SLC2A11: variants seen among roughly 807,000 people sequenced by gnomAD.
The protein encoded by SLC2A11 is solute carrier family 2 member 11, also known as solute carrier family 2, facilitated glucose transporter member 11.
A neutral mutation model predicts 52.1 loss-of-function variants in SLC2A11; 43 were observed. The ratio of observed to expected loss-of-function variants is 0.82; its 90% CI spans 0.65 to 1.06. The LOEUF is 1.06. Among genes scored for constraint, SLC2A11 ranks in the 50% least tolerant of loss-of-function variants. The pLI is 0.00. For missense variants in SLC2A11, 582 were observed against 654.2 expected (o/e 0.89, Z 1.20); for synonymous variants, 261 against 277.6 (o/e 0.94, Z 0.59).
chr22:23,861,487 C>A (rs2032064781), intron 1 of SLC2A11, among the ~76,000 whole-genome samples: 1 of 152,066 alleles, frequency 6.6e-6, no homozygotes, highest in Non-Finnish European at 1.5e-5. Context: ...GTAAGGAAGT[C>A]ACTTAGGATG....
rs1568999528 is a variant in SLC2A11 at position 23,884,395 on chromosome 22, T to G, written c.1265T>G (p.Leu422Arg). Reference sequence around the variant, plus strand: ...TGCGGGGCGCTCATGTGGATCATGCTCATCCTGGTCGGCCTGGGATTTCCC... The same window carrying G: ...TGCGGGGCGCTCATGTGGATCATGCGCATCCTGGTCGGCCTGGGATTTCCC... Reference protein sequence around the residue: ...MVCGALMWIMLILVGLGFPFI... With the variant: ...MVCGALMWIMRILVGLGFPFI... Residue 422 changes from leucine (L) to arginine (R), a missense_variant, in exon 11 of 12, where the codon CTC becomes CGC. Physicochemically the swap from Leu to Arg is moderately radical, Grantham distance 102. Transcript: ENST00000316185. The surrounding 1 kb of genome is among the most constrained non-coding windows in gnomAD (Gnocchi z 4.3). 2 of 1,613,990 alleles carry G rather than the reference T, an allele frequency of 1.2e-6. No individual in the cohort carries two copies. Among genetic ancestry groups the G allele is most frequent in the Non-Finnish European group, 8.5e-7 (1 of 1,179,988 alleles).
intron 6 of SLC2A11, among the ~76,000 whole-genome samples, chr22:23,878,582 G>A (rs978367815): frequency 5.3e-5 from 8 of 152,146 alleles, no homozygotes; most frequent in Middle Eastern, 3.2e-3. Flanking sequence ...TGGCCAAAGC[G>A]AGTCAGTCAT....
intron 1 of SLC2A11, among the ~76,000 whole-genome samples, chr22:23,860,156 C>A (rs926753539): frequency 6.6e-6 from 1 of 152,190 alleles, no homozygotes; most frequent in Non-Finnish European, 1.5e-5. Flanking sequence ...TATGGTGGCT[C>A]ACGCCTGTAA....
At chr22:23,879,696 A>T (rs2032736234) in intron 6 of SLC2A11, 1 of 152,146 alleles carries the variant, frequency 6.6e-6, no homozygotes, top group Non-Finnish European at 1.5e-5. Flanking sequence ...TGATCTGCCT[A>T]GCGTACTACA....
At chr22:23,882,954 C>T in intron 8 of SLC2A11, 85 bp downstream of exon 8, 1 of 1,256,324 alleles carries the variant, frequency 8.0e-7, no homozygotes, top group Non-Finnish European at 1.1e-6. Context: ...TACACTCCAG[C>T]TTATGGTGTT....
intron 3 of SLC2A11, chr22:23,869,732 G>T: frequency 2.3e-6 from 1 of 444,020 alleles, no homozygotes; most frequent in South Asian, 4.2e-5. Flanking sequence ...ATAAAGAACA[G>T]AAATTTACTT....
upstream of SLC2A11, chr22:23,857,071 T>TG (rs1267660761): frequency 7.2e-4 from 218 of 301,212 alleles, 2 homozygotes; most frequent in African/African-American, 5.9e-3. Context: ...AGTGTGTGTG[T>TG]GTGGGGGGGG....
Position 23,884,868 on chromosome 22 carries a change from A to G in SLC2A11, c.*19A>G. 5 of 1,608,596 alleles carry G rather than the reference A, an allele frequency of 3.1e-6. No individual in the cohort carries two copies. Among genetic ancestry groups the G allele is most frequent in the Non-Finnish European group, 4.3e-6 (5 of 1,175,574 alleles). On this transcript the variant is annotated 3_prime_UTR_variant, in exon 12 of 12. Coordinates refer to ENST00000316185, the MANE Select transcript of SLC2A11 (RefSeq NM_001024939.4). The surrounding 1 kb of genome is among the most constrained non-coding windows in gnomAD (Gnocchi z 4.3). ...ACTCTAGTCCCAAAGGGGTGGCCAGAGCCAAAGCCAGCTACTGTCCTGTCC... is the reference window on the plus strand; with the variant it reads ...ACTCTAGTCCCAAAGGGGTGGCCAGGGCCAAAGCCAGCTACTGTCCTGTCC...
rs189986531 is a variant in SLC2A11 at position 23,879,097 on chromosome 22, C to G, written c.694+1228C>G. ...CTTTGTTCAAGTTCCAGCTCTGTCC[C>G]CTACCCCCTATGAAGGGCACCCCAG... On this transcript the variant is annotated intron_variant, in intron 6 of 11. Coordinates refer to ENST00000316185, the MANE Select transcript of SLC2A11 (RefSeq NM_001024939.4). Among the ~76,000 whole-genome samples the G allele has an allele frequency of 9.0e-4, 137 of 152,236 alleles. 1 individual carries two copies. The highest frequency in any genetic ancestry group is 3.0e-3 in the African/African-American group (126 of 41,534).
At chr22:23,877,551 G>C (rs1432640868) in intron 5 of SLC2A11, 170 bp from the exon 6 acceptor site, 1 of 925,640 alleles carries the variant, frequency 1.1e-6, no homozygotes, top group Non-Finnish European at 1.7e-6. Flanking sequence ...GTCCTCTCTT[G>C]GTCCCAACCT....
At chr22:23,858,093 C>G in intron 1 of SLC2A11, 64 bp downstream of exon 1, 1 of 1,545,174 alleles carries the variant, frequency 6.5e-7, no homozygotes, top group South Asian at 1.2e-5. Flanking sequence ...CCTGAGTGAA[C>G]TGCGCAGGTG....
At chr22:23,857,134 CG>C (rs2031861981), upstream of SLC2A11, 15 of 1,184,592 alleles carry the variant, frequency 1.3e-5, no homozygotes, top group South Asian at 1.8e-4. Context: ...CTTGGCCCTC[CG>C]GAGAACGCCC....
rs2032387301 is a variant in SLC2A11, at chr22:23,869,654, CAGCTCGCTTACTAGCAATCTT to C, written c.290+1016_290+1036del. 4 of 234,276 alleles carry C rather than the reference CAGCTCGCTTACTAGCAATCTT, an allele frequency of 1.7e-5. No individual in the cohort carries two copies. In the South Asian group the frequency reaches 3.0e-4, roughly 18 times the overall value. The allele number at this position is 234,276 out of a possible 1,614,324, so 14.5% of individuals were successfully genotyped here. On this transcript the variant is annotated intron_variant, in intron 3 of 11. Coordinates refer to ENST00000316185, the MANE Select transcript of SLC2A11 (RefSeq NM_001024939.4). ...GACACAGTGAGCCCCTGTCTCAAAACAGCTCGCTTACTAGCAATCTTAGTCTATTTTTGTTGCCATAACAAA... is the reference window on the plus strand; with the variant it reads ...GACACAGTGAGCCCCTGTCTCAAAACAGTCTATTTTTGTTGCCATAACAAA...
At chr22:23,880,258 C>CA (rs60165299) in intron 6 of SLC2A11, among the ~76,000 whole-genome samples, 14,610 of 41,670 alleles carry the variant, frequency 0.35, 1,994 homozygotes, top group Middle Eastern at 0.38. Flanking sequence ...GACTCCATCT[C>CA]AAAAAAAAAA....
At chr22:23,857,076 G>T (rs570525545), upstream of SLC2A11, 23,271 of 957,418 alleles carry the variant, frequency 0.024, 698 homozygotes, top group African/African-American at 0.1. Context: ...GTGTGTGTGG[G>T]GGGGGGGGGG....
intron 6 of SLC2A11, among the ~76,000 whole-genome samples, chr22:23,878,127 C>T (rs1005703455): frequency 6.6e-5 from 10 of 152,342 alleles, no homozygotes; most frequent in African/African-American, 9.6e-5. Flanking sequence ...GAAACACACG[C>T]GCACACACAC....
intron 2 of SLC2A11, chr22:23,862,417 A>G (rs996343525): frequency 1.3e-5 from 7 of 526,436 alleles, no homozygotes; most frequent in Middle Eastern, 5.1e-4. Context: ...TCAGCAGATG[A>G]CTCCATCTTC....
intron 3 of SLC2A11, chr22:23,872,152 A>ATTTTT (rs537151947): frequency 7.8e-4 from 119 of 152,304 alleles, no homozygotes; most frequent in African/African-American, 2.8e-3. Context: ...CCTGGGCAAC[A>ATTTTT]TAGCAGAACC....
intron 3 of SLC2A11, chr22:23,870,197 G>A (rs1177389236): frequency 1.6e-5 from 10 of 610,898 alleles, no homozygotes; most frequent in Admixed American, 2.9e-5. Flanking sequence ...CGAAGAAGAC[G>A]GAGGTAATAA....
Sources: gnomAD v4.1 joint callset for allele counts (sites outside exome capture counted in the v4.1 genomes callset) on GRCh38, gnomAD v4.1.1 for gene constraint, Gnocchi (gnomAD v3.1) non-coding constraint, MANE v1.5 for transcripts, NCBI Gene and HGNC (gene_info 2026-07-23, HGNC 2026-07-21) for gene names.